Variants in GLIS3 observed in about 807,000 individuals in gnomAD.
The protein encoded by GLIS3 is zinc finger protein GLIS3.
Under a neutral mutation model 78.6 loss-of-function variants are expected in GLIS3, and 53 were observed. That is an observed-to-expected ratio of 0.67 (90% CI 0.54 to 0.85). GLIS3 has a LOEUF of 0.85. GLIS3 is among the 40% of genes least tolerant of loss of function. The probability of loss-of-function intolerance (pLI) is 0.00; values close to 1 mark genes in which losing one functional copy is unlikely to be tolerated. For missense variants in GLIS3, 1,703 were observed against 1,231.1 expected, an observed-to-expected ratio of 1.38 and a Z score of -5.74; for synonymous variants, 684 against 509.9, an observed-to-expected ratio of 1.34 and a Z score of -4.60.
chr9:4,242,181 C>T (rs975588623), intron 2 of GLIS3, among the ~76,000 whole-genome samples: 17 of 152,090 alleles, frequency 1.1e-4, no homozygotes, highest in Admixed American at 1.0e-3. Flanking sequence ...ACCTGGACCC[C>T]ATGAAACAGC....
intron 2 of GLIS3, among the ~76,000 whole-genome samples, chr9:4,242,052 T>C (rs760146650): frequency 3.3e-5 from 5 of 152,270 alleles, no homozygotes; most frequent in Admixed American, 6.5e-5. Context: ...AATAAAATTA[T>C]GCCATATTTA....
chr9:4,371,770 T>A, the GLIS3 span, among the ~76,000 whole-genome samples: 1,087 of 152,292 alleles, frequency 7.1e-3, 17 homozygotes, highest in African/African-American at 0.024. Context: ...TGGGTCCCCA[T>A]CTCCTACAAA....
chr9:4,276,885 TA>T (rs1291555359), intron 2 of GLIS3, among the ~76,000 whole-genome samples: 1 of 152,218 alleles, frequency 6.6e-6, no homozygotes, highest in Admixed American at 6.5e-5. Context: ...AAACTCTGGC[TA>T]CCTCAACTGG....
chr9:3,883,188 T>C (rs1821850116), intron 7 of GLIS3, among the ~76,000 whole-genome samples: 1 of 152,230 alleles, frequency 6.6e-6, no homozygotes, highest in African/African-American at 2.4e-5. Context: ...GGAAATGCTC[T>C]TTTACTTATC....
At chr9:4,155,637 C>T (rs910595579) in intron 2 of GLIS3, among the ~76,000 whole-genome samples, 3 of 152,066 alleles carry the variant, frequency 2.0e-5, no homozygotes, top group Non-Finnish European at 4.4e-5. Flanking sequence ...TCAGAGAGTC[C>T]GAGCCAGGTA....
the GLIS3 span, among the ~76,000 whole-genome samples, chr9:4,450,642 C>G: frequency 6.6e-6 from 1 of 152,206 alleles, no homozygotes; most frequent in African/African-American, 2.4e-5. Flanking sequence ...AGACTAACAG[C>G]AGATCTCTTG....
intron 4 of GLIS3, among the ~76,000 whole-genome samples, chr9:4,064,338 G>A (rs1357035549): frequency 2.6e-5 from 4 of 151,958 alleles, no homozygotes; most frequent in Admixed American, 2.6e-4. Context: ...TCTTAAATAA[G>A]ATAAAAATAC....
intron 8 of GLIS3, among the ~76,000 whole-genome samples, chr9:3,876,627 C>T (rs550542508): frequency 1.4e-4 from 5 of 34,726 alleles, no homozygotes; most frequent in Non-Finnish European, 2.2e-4. Context: ...CAAAGAATCA[C>T]CAAAGTCAGA....
intron 2 of GLIS3, among the ~76,000 whole-genome samples, chr9:4,231,762 T>A (rs1484574020): frequency 6.6e-6 from 1 of 152,214 alleles, no homozygotes; most frequent in Non-Finnish European, 1.5e-5. Flanking sequence ...TAAGACATTT[T>A]CAGGCATTCA....
At chr9:4,070,526 G>C (rs967541577) in intron 4 of GLIS3, among the ~76,000 whole-genome samples, 3 of 152,094 alleles carry the variant, frequency 2.0e-5, no homozygotes, top group African/African-American at 7.2e-5. Flanking sequence ...GTGCGTGTGC[G>C]TAAGTATTTG....
chr9:4,460,332 A>C, the GLIS3 span, among the ~76,000 whole-genome samples: 10 of 152,230 alleles, frequency 6.6e-5, no homozygotes, highest in Non-Finnish European at 1.3e-4. Context: ...CCAGTTTCAC[A>C]GAACTGATGT....
At chr9:4,369,154 G>C in the GLIS3 span, among the ~76,000 whole-genome samples, 2 of 152,004 alleles carry the variant, frequency 1.3e-5, no homozygotes, top group African/African-American at 2.4e-5. Flanking sequence ...ATTAAGACTA[G>C]TATCTCCGCC....
chr9:4,096,947 G>A (rs187513203), intron 4 of GLIS3, among the ~76,000 whole-genome samples: 1 of 152,302 alleles, frequency 6.6e-6, no homozygotes, highest in African/African-American at 2.4e-5. Context: ...AGGAGGCAGA[G>A]GTGGCAGTGA....
intron 2 of GLIS3, among the ~76,000 whole-genome samples, chr9:4,318,015 A>C (rs1817466433): frequency 6.6e-6 from 1 of 152,226 alleles, no homozygotes; most frequent in South Asian, 2.1e-4. Context: ...ACATGTGTAT[A>C]ATGTCAGAAA....
intron 8 of GLIS3, among the ~76,000 whole-genome samples, chr9:3,862,127 G>A (rs1820253052): frequency 6.6e-6 from 1 of 152,064 alleles, no homozygotes; most frequent in African/African-American, 2.4e-5. Flanking sequence ...AAGGGCACTG[G>A]AGCACCATCT....
chr9:4,170,912 G>C (rs921373213), intron 2 of GLIS3, among the ~76,000 whole-genome samples: 1 of 152,100 alleles, frequency 6.6e-6, no homozygotes, highest in African/African-American at 2.4e-5. Flanking sequence ...CAATGAAGTA[G>C]AAAATGTTGT....
chr9:4,066,431 T>A (rs1827102863), intron 4 of GLIS3, among the ~76,000 whole-genome samples: 1 of 152,172 alleles, frequency 6.6e-6, no homozygotes, highest in Non-Finnish European at 1.5e-5. Context: ...ACCTCCTGGT[T>A]GTGAAACAAG....
intron 4 of GLIS3, among the ~76,000 whole-genome samples, chr9:3,957,508 C>T (rs1457690418): frequency 1.3e-5 from 2 of 152,114 alleles, no homozygotes; most frequent in African/African-American, 4.8e-5. Context: ...ACTTGTCAAC[C>T]AAGGGACTTA....
intron 6 of GLIS3, among the ~76,000 whole-genome samples, chr9:3,921,373 T>C (rs1824877025): frequency 6.6e-6 from 1 of 152,246 alleles, no homozygotes; most frequent in Non-Finnish European, 1.5e-5. Context: ...TAGGTTGTTT[T>C]AGCATGGGAA....
Sources: gnomAD v4.1 joint callset for allele counts (sites outside exome capture counted in the v4.1 genomes callset) on GRCh38, gnomAD v4.1.1 for gene constraint, MANE v1.5 for transcripts, NCBI Gene and HGNC (gene_info 2026-07-23, HGNC 2026-07-21) for gene names.